NAALADL2: variants seen among roughly 807,000 people sequenced by gnomAD.
NAALADL2 encodes N-acetylated alpha-linked acidic dipeptidase like 2.
In NAALADL2, 76 loss-of-function variants were observed where a neutral mutation model predicts 87.2. The observed-to-expected ratio is 0.87, with a 90% confidence interval of 0.72 to 1.05. The LOEUF (loss-of-function observed/expected upper bound fraction) is 1.05, where lower values mean the gene tolerates loss of function less well. NAALADL2 is among the 50% of genes least tolerant of loss of function. The probability of loss-of-function intolerance (pLI) is 0.00; values close to 1 mark genes in which losing one functional copy is unlikely to be tolerated. For missense variants in NAALADL2, 1,089 were observed against 945.8 expected (o/e 1.15, Z -1.99); for synonymous variants, 354 against 331.0 (o/e 1.07, Z -0.75).
rs763263248 is a variant in NAALADL2 at position 175,803,076 on chromosome 3, A to G, written c.2261A>G (p.Lys754Arg). 6.2e-7 allele frequency: 1 copy of G among 1,612,456 alleles called. No homozygotes were observed. Among genetic ancestry groups the G allele is most frequent in the Non-Finnish European group, 8.5e-7 (1 of 1,178,998 alleles). The change falls in exon 14 of 14, where the codon AAA becomes AGA. Residue 754 changes from lysine (K) to arginine (R), a missense_variant. Lys to Arg is a conservative substitution (Grantham distance 26, BLOSUM62 2). Transcript: ENST00000454872. Reference sequence around the variant, plus strand: ...CTTATAGAGGCTTGGGAACACTGCAAACCCCTTGCATCAAATGAGACCCTT... The same window carrying G: ...CTTATAGAGGCTTGGGAACACTGCAGACCCCTTGCATCAAATGAGACCCTT... ...SILIEAWEHC[K>R]PLASNETLQE...
At chr3:174,499,973 A>AT (rs1718787081) in intron 1 of NAALADL2, among the ~76,000 whole-genome samples, 1 of 151,710 alleles carries the variant, frequency 6.6e-6, no homozygotes, top group Non-Finnish European at 1.5e-5. Context: ...TCCTTCTGGG[A>AT]TTTTTTTCAG....
Position 175,157,996 on chromosome 3 carries a change from G to T in NAALADL2, c.545+60705G>T, listed in dbSNP as rs148081488. Among the ~76,000 whole-genome samples, 393 of 152,132 alleles carry T rather than the reference G, an allele frequency of 2.6e-3. 1 individual carries two copies. Among genetic ancestry groups the T allele is most frequent in the African/African-American group, 9.1e-3 (380 of 41,546 alleles). ...CCAAAACCAAAGGAGTTCTAGAAAAGACTTATATAACTTTTTAAGATTTTT... is the reference window on the plus strand; with the variant it reads ...CCAAAACCAAAGGAGTTCTAGAAAATACTTATATAACTTTTTAAGATTTTT... On this transcript the variant is annotated intron_variant, in intron 2 of 13. Transcript: ENST00000454872.
intron 4 of NAALADL2, among the ~76,000 whole-genome samples, chr3:175,309,179 A>G (rs1758047874): frequency 6.6e-6 from 1 of 152,074 alleles, no homozygotes; most frequent in Non-Finnish European, 1.5e-5. Flanking sequence ...GTAATAAATC[A>G]TGTATCTTTT....
intron 3 of NAALADL2, among the ~76,000 whole-genome samples, chr3:174,785,765 C>G (rs1716566561): frequency 6.6e-6 from 1 of 152,094 alleles, no homozygotes; most frequent in African/African-American, 2.4e-5. Flanking sequence ...TTGTCTTATG[C>G]TGTTTGAAGT....
chr3:175,555,885 T>G lies in NAALADL2; in HGVS notation c.1654-20156T>G, dbSNP rs137974956. Among the ~76,000 whole-genome samples the G allele has an allele frequency of 1.5e-3, 235 of 152,284 alleles. 2 individuals carry two copies. The highest frequency in any genetic ancestry group is 5.3e-3 in the African/African-American group (221 of 41,572). ...AGGATTCTTAGCGGAAAATTTTACC[T>G]TCTGTTGAATGTTTGAGATTGGAAC... On this transcript the variant is annotated intron_variant, in intron 9 of 13. Coordinates refer to ENST00000454872, the MANE Select transcript of NAALADL2 (RefSeq NM_207015.3).
intron 5 of NAALADL2, among the ~76,000 whole-genome samples, chr3:175,389,023 G>C (rs1157598919): frequency 6.6e-6 from 1 of 151,918 alleles, no homozygotes; most frequent in East Asian, 1.9e-4. Context: ...TGTTCATTAA[G>C]ATAATCATCC....
chr3:175,137,726 A>G (rs897090878), intron 2 of NAALADL2, among the ~76,000 whole-genome samples: 64 of 151,564 alleles, frequency 4.2e-4, no homozygotes, highest in African/African-American at 1.5e-3. Context: ...CAGACTCCCA[A>G]GTAGCTGGGA....
chr3:174,516,308 C>A (rs758013242), intron 1 of NAALADL2, among the ~76,000 whole-genome samples: 10 of 152,088 alleles, frequency 6.6e-5, no homozygotes, highest in Non-Finnish European at 1.5e-4. Context: ...TGCATCTCCT[C>A]ATTTGACCCA....
intron 2 of NAALADL2, among the ~76,000 whole-genome samples, chr3:175,098,143 AGG>A (rs942388147): frequency 2.0e-5 from 3 of 152,140 alleles, no homozygotes; most frequent in Non-Finnish European, 2.9e-5. Context: ...AGTGACTGAC[AGG>A]AATGTGTTTC....
chr3:175,181,767 G>GTGTATATATGTGTGTATATA lies in NAALADL2; in HGVS notation c.546-52161_546-52160insATATATGTGTGTATATATGT, dbSNP rs1430499104. Among the ~76,000 whole-genome samples the GTGTATATATGTGTGTATATA allele has an allele frequency of 5.9e-3, 716 of 121,008 alleles. 14 individuals are homozygous for GTGTATATATGTGTGTATATA. The highest frequency in any genetic ancestry group is 0.021 in the African/African-American group (667 of 31,108). 79.4% of individuals were successfully genotyped at this position (121,008 alleles called of 152,430 possible). On this transcript the variant is annotated intron_variant, in intron 2 of 13. Coordinates refer to ENST00000454872, the MANE Select transcript of NAALADL2 (RefSeq NM_207015.3). ...TATGTATATATATGTGTGTATATAT[G>GTGTATATATGTGTGTATATA]TGTGTATATATGTATATATATGTGT...
At chr3:175,116,337 T>A (rs1477638539) in intron 2 of NAALADL2, among the ~76,000 whole-genome samples, 4 of 152,054 alleles carry the variant, frequency 2.6e-5, no homozygotes, top group Non-Finnish European at 5.9e-5. Flanking sequence ...GAAAACCCCA[T>A]CATCTTAGCC....
chr3:175,430,256 A>T (rs181704394), intron 5 of NAALADL2, among the ~76,000 whole-genome samples: 1 of 151,952 alleles, frequency 6.6e-6, no homozygotes, highest in Non-Finnish European at 1.5e-5. Flanking sequence ...TGCATATTTT[A>T]TAAAAATTAT....
chr3:174,617,749 C>A (rs1254435064), intron 2 of NAALADL2, among the ~76,000 whole-genome samples: 1 of 151,640 alleles, frequency 6.6e-6, no homozygotes, highest in Non-Finnish European at 1.5e-5. Flanking sequence ...TTAGCAGGTG[C>A]AAGATTTAGA....
chr3:175,215,751 G>A (rs533640167), intron 2 of NAALADL2, among the ~76,000 whole-genome samples: 47 of 152,210 alleles, frequency 3.1e-4, no homozygotes, highest in East Asian at 5.8e-4. Context: ...CAGGCCAGTC[G>A]GCACTCATTC....
chr3:175,174,444 T>G (rs1438364140), intron 2 of NAALADL2, among the ~76,000 whole-genome samples: 1 of 152,120 alleles, frequency 6.6e-6, no homozygotes, highest in Non-Finnish European at 1.5e-5. Flanking sequence ...ATTATCTGAA[T>G]ATCTATTTGC....
intron 5 of NAALADL2, among the ~76,000 whole-genome samples, chr3:175,343,677 C>CTTTTTTTTTTTT (rs1560398617): frequency 1.3e-5 from 1 of 78,882 alleles, no homozygotes; most frequent in Admixed American, 1.6e-4. Context: ...TTTTTTTTTT[C>CTTTTTTTTTTTT]CCTTCCCACT....
At chr3:174,882,128 C>T (rs367747540) in intron 1 of NAALADL2, among the ~76,000 whole-genome samples, 23 of 151,902 alleles carry the variant, frequency 1.5e-4, no homozygotes, top group Non-Finnish European at 2.8e-4. Flanking sequence ...ATTCCACTTA[C>T]GTTAAGTAAG....
intron 9 of NAALADL2, among the ~76,000 whole-genome samples, chr3:175,570,223 G>A (rs1229276156): frequency 6.6e-6 from 1 of 152,174 alleles, no homozygotes; most frequent in African/African-American, 2.4e-5. Flanking sequence ...CCCCTTTCTT[G>A]TGGGAAGGTC....
intron 5 of NAALADL2, among the ~76,000 whole-genome samples, chr3:175,439,500 A>G (rs566064094): frequency 0.034 from 2,469 of 71,576 alleles, 29 homozygotes; most frequent in Non-Finnish European, 0.05. Flanking sequence ...CCATGCCAAC[A>G]TCTATTTTTT....
Sources: allele counts gnomAD v4.1 joint callset (sites outside exome capture counted in the v4.1 genomes callset), GRCh38; gene constraint gnomAD v4.1.1; transcripts MANE v1.5; gene names NCBI Gene and HGNC (gene_info 2026-07-23, HGNC 2026-07-21).